FERMT1: variants seen among roughly 807,000 people sequenced by gnomAD.
FERMT1 encodes FERM domain containing kindlin 1.
Under a neutral mutation model 85.3 loss-of-function variants are expected in FERMT1, and 60 were observed. That is an observed-to-expected ratio of 0.70 (90% CI 0.57 to 0.87). FERMT1 has a LOEUF of 0.87. FERMT1 is among the 40% of genes least tolerant of loss of function. The probability of loss-of-function intolerance (pLI) is 0.00; values close to 1 mark genes in which losing one functional copy is unlikely to be tolerated. For synonymous variants in FERMT1, 275 were observed against 301.1 expected (o/e 0.91, Z 0.90); for missense variants, 701 against 818.9 (o/e 0.86, Z 1.76).
intron 6 of FERMT1, among the ~76,000 whole-genome samples, chr20:6,102,839 A>G (rs1982698043): frequency 6.6e-6 from 1 of 152,080 alleles, no homozygotes; most frequent in Non-Finnish European, 1.5e-5. Context: ...TCCAACAACC[A>G]ACAATAAAAA....
rs1982978735 is a variant in FERMT1, at chr20:6,112,516, GA to G, written c.492del (p.Leu165Ter). 1 of 1,613,448 alleles carries G rather than the reference GA, an allele frequency of 6.2e-7. No homozygotes were observed. The highest frequency in any genetic ancestry group is 8.5e-7 in the Non-Finnish European group (1 of 1,179,686). On this transcript the variant is annotated frameshift_variant, in exon 4 of 15. Transcript: ENST00000217289. LOFTEE classifies it high-confidence loss of function. ...KNNKEPIIED[I>X]LNLESSPTAS... The stretch of plus-strand genomic sequence containing the variant: ...GCTGTTGGAGAACTCTCCAGGTTTA[GA>G]ATATCTTCAATTATGGGTTCCTTAT...
At chr20:6,103,472 G>A in intron 6 of FERMT1, among the ~76,000 whole-genome samples, 1 of 152,174 alleles carries the variant, frequency 6.6e-6, no homozygotes, top group African/African-American at 2.4e-5. Context: ...ATGTAGAACT[G>A]TAATTCTGAT....
intron 5 of FERMT1, among the ~76,000 whole-genome samples, chr20:6,108,296 C>A (rs1982852118): frequency 6.6e-6 from 1 of 152,168 alleles, no homozygotes; most frequent in African/African-American, 2.4e-5. Context: ...TGGTCTCAAG[C>A]ATTTTGGATA....
chr20:6,119,860 G>T (rs529755985), intron 1 of FERMT1, among the ~76,000 whole-genome samples: 4 of 152,226 alleles, frequency 2.6e-5, no homozygotes, highest in African/African-American at 9.6e-5. Context: ...TCCACCCAAT[G>T]CTTCAATCCT....
chr20:6,120,665 G>A (rs1046285510), intron 1 of FERMT1, among the ~76,000 whole-genome samples: 6 of 152,190 alleles, frequency 3.9e-5, no homozygotes, highest in Admixed American at 2.0e-4. Context: ...GCCAGCTTAT[G>A]AGAAATTCAT....
intron 5 of FERMT1, among the ~76,000 whole-genome samples, chr20:6,107,989 A>C (rs928896474): frequency 3.9e-5 from 6 of 152,060 alleles, no homozygotes; most frequent in African/African-American, 1.4e-4. Context: ...CCTCAGCCTC[A>C]CGAGTAGCTG....
chr20:6,080,804 C>T (rs956040465), intron 13 of FERMT1, among the ~76,000 whole-genome samples: 8 of 152,076 alleles, frequency 5.3e-5, no homozygotes, highest in Admixed American at 2.6e-4. Flanking sequence ...GGGGAAGATC[C>T]GGAACTTTGG....
chr20:6,085,502 C>T (rs551672619), intron 11 of FERMT1, among the ~76,000 whole-genome samples: 6 of 152,236 alleles, frequency 3.9e-5, no homozygotes, highest in African/African-American at 1.4e-4. Flanking sequence ...TGCTGGGAGG[C>T]TAGAGGATAG....
At chr20:6,103,111 A>T (rs1276186298) in intron 6 of FERMT1, among the ~76,000 whole-genome samples, 1 of 152,196 alleles carries the variant, frequency 6.6e-6, no homozygotes, top group Non-Finnish European at 1.5e-5. Context: ...AAATGAATTC[A>T]TTATGAATGA....
intron 13 of FERMT1, among the ~76,000 whole-genome samples, chr20:6,083,655 ACC>A (rs1555799162): frequency 2.4e-4 from 16 of 67,268 alleles, no homozygotes; most frequent in African/African-American, 7.3e-4. Flanking sequence ...AAAATGAGAC[ACC>A]CCCCCCCCCG....
intron 11 of FERMT1, among the ~76,000 whole-genome samples, chr20:6,086,401 A>T (rs1023067242): frequency 2.6e-5 from 4 of 152,136 alleles, no homozygotes; most frequent in Admixed American, 1.3e-4. Flanking sequence ...GGTGGCTTCT[A>T]TTGCTGTTTA....
At position 6,077,347 on chromosome 20, in the gene FERMT1, C is replaced by T. The variant is rs779915885; in HGVS notation, c.1861-1G>A. ...CGTTTTGGTCAAACTCGATGACCAC[C>T]TGGAAGAGGAAGGCACAGAGAAGCT... On this transcript the variant is annotated splice_acceptor_variant, in intron 14 of 14. Transcript: ENST00000217289. LOFTEE classifies it high-confidence loss of function. The T allele has an allele frequency of 6.2e-7, 1 of 1,614,074 alleles. No individual in the cohort carries two copies. Among genetic ancestry groups the T allele is most frequent in the East Asian group, 2.2e-5 (1 of 44,880 alleles).
chr20:6,096,855 C>A, intron 8 of FERMT1, 47 bp downstream of exon 8: 2 of 1,440,788 alleles, frequency 1.4e-6, no homozygotes, highest in Non-Finnish European at 1.9e-6. Flanking sequence ...TTATACTTGT[C>A]AATCAGAAGA....
intron 8 of FERMT1, among the ~76,000 whole-genome samples, chr20:6,095,908 C>T (rs1982486823): frequency 6.6e-6 from 1 of 152,186 alleles, no homozygotes; most frequent in Non-Finnish European, 1.5e-5. Flanking sequence ...CTGCTTACAT[C>T]TAATTATGGT....
At chr20:6,080,119 G>C (rs77834918) in intron 13 of FERMT1, among the ~76,000 whole-genome samples, 2,845 of 152,250 alleles carry the variant, frequency 0.019, 77 homozygotes, top group African/African-American at 0.063. Flanking sequence ...TCTGGGGAAA[G>C]AGTATTCCAG....
At chr20:6,114,233 CT>C (rs1364078815) in intron 3 of FERMT1, among the ~76,000 whole-genome samples, 6 of 152,314 alleles carry the variant, frequency 3.9e-5, no homozygotes, top group African/African-American at 1.4e-4. Context: ...AAAAATTTCA[CT>C]GTGAGCACTA....
chr20:6,116,214 A>G (rs1317480264), intron 2 of FERMT1, among the ~76,000 whole-genome samples, 170 bp from the exon 3 acceptor site: 2 of 152,230 alleles, frequency 1.3e-5, no homozygotes, highest in African/African-American at 4.8e-5. Flanking sequence ...TTCTTTCCAA[A>G]GTCTCCAGGG....
chr20:6,104,587 T>A lies in FERMT1; in HGVS notation c.849+2945A>T, dbSNP rs564017444. 3.9e-5 allele frequency among the ~76,000 whole-genome samples: 6 copies of A among 152,338 alleles called. No homozygotes were observed. The highest frequency in any genetic ancestry group is 1.4e-4 in the African/African-American group (6 of 41,570). On this transcript the variant is annotated intron_variant, in intron 6 of 14. Coordinates refer to ENST00000217289, the MANE Select transcript of FERMT1 (RefSeq NM_017671.5). This position sits in a 1 kb window ranked among gnomAD's most constrained non-coding sequence, Gnocchi z 4.2. ...TGTCCCATTATCCTGAGTCTTCCTG[T>A]CACCTTTGGGTTGACAGTTTCTGTG... is the stretch of plus-strand genomic sequence containing the variant.
intron 3 of FERMT1, among the ~76,000 whole-genome samples, chr20:6,113,036 C>A (rs1983001021): frequency 6.6e-6 from 1 of 151,998 alleles, no homozygotes; most frequent in African/African-American, 2.4e-5. Context: ...TGTCTCCACC[C>A]AAATCTCATC....
Sources: allele counts gnomAD v4.1 joint callset (sites outside exome capture counted in the v4.1 genomes callset), GRCh38; gene constraint gnomAD v4.1.1; non-coding constraint Gnocchi (gnomAD v3.1); transcripts MANE v1.5; gene names NCBI Gene and HGNC (gene_info 2026-07-23, HGNC 2026-07-21).